YES1: variants seen among roughly 807,000 people sequenced by gnomAD.
YES1 encodes YES proto-oncogene 1, Src family tyrosine kinase, also known as tyrosine-protein kinase Yes.
Under a neutral mutation model 70.4 loss-of-function variants are expected in YES1, and 39 were observed. The ratio of observed to expected loss-of-function variants is 0.55; its 90% confidence interval spans 0.43 to 0.72. The LOEUF (loss-of-function observed/expected upper bound fraction) is 0.72. YES1 is among the 30% of genes least tolerant of loss of function. YES1 has a pLI of 0.00. For synonymous variants in YES1, 198 were observed against 218.6 expected, an observed-to-expected ratio of 0.91 and a Z score of 0.83; for missense variants, 495 against 644.8, an observed-to-expected ratio of 0.77 and a Z score of 2.52.
intron 1 of YES1, among the ~76,000 whole-genome samples, chr18:782,658 T>G (rs991431026): frequency 6.6e-6 from 1 of 152,216 alleles, no homozygotes; most frequent in Non-Finnish European, 1.5e-5. Flanking sequence ...GTGACATCAA[T>G]ATAAAACATG....
chr18:744,689 CTTTTTTTTTTTT>C (rs71174284), intron 6 of YES1, among the ~76,000 whole-genome samples: 3 of 56,862 alleles, frequency 5.3e-5, no homozygotes, highest in Non-Finnish European at 9.8e-5. Flanking sequence ...CACGCCTGGC[CTTTTTTTTTTTT>C]TTTTTTTTTT....
intron 8 of YES1, 128 bp downstream of exon 8, chr18:742,790 G>A: frequency 1.5e-6 from 1 of 653,720 alleles, no homozygotes; most frequent in Non-Finnish European, 2.3e-6. Flanking sequence ...AAAGTGTCAG[G>A]TTTCTTCTAT....
chr18:789,510 G>A (rs1906132705), intron 1 of YES1, among the ~76,000 whole-genome samples: 1 of 152,078 alleles, frequency 6.6e-6, no homozygotes, highest in Admixed American at 6.5e-5. Flanking sequence ...TTGAGCTCAG[G>A]AGGTCAAGGC....
chr18:803,608 G>GT (rs1374882655), intron 1 of YES1, among the ~76,000 whole-genome samples: 1 of 152,196 alleles, frequency 6.6e-6, no homozygotes. Flanking sequence ...ACCTAGGGAA[G>GT]TTTCTGTACT....
rs114064729 is a variant in YES1 at position 754,603 on chromosome 18, C to T, written c.271+1954G>A. 7.4e-3 allele frequency among the ~76,000 whole-genome samples: 1,127 copies of T among 151,454 alleles called. 11 individuals carry two copies. The highest frequency in any genetic ancestry group is 0.026 in the African/African-American group (1,075 of 41,270). Reference sequence around the variant, plus strand: ...TTTGTTTCTTGTTATCTCAGCTACTCGGGAGGCTAAGGCAAGAGAATGGCT... The same window carrying T: ...TTTGTTTCTTGTTATCTCAGCTACTTGGGAGGCTAAGGCAAGAGAATGGCT... On this transcript the variant is annotated intron_variant, in intron 2 of 11. Coordinates refer to ENST00000314574, the MANE Select transcript of YES1 (RefSeq NM_005433.4).
chr18:775,809 A>G (rs896108882), intron 1 of YES1, among the ~76,000 whole-genome samples: 2 of 152,144 alleles, frequency 1.3e-5, no homozygotes, highest in African/African-American at 4.8e-5. Context: ...ATAAATTAAA[A>G]AAAAAAATAG....
intron 1 of YES1, among the ~76,000 whole-genome samples, chr18:801,328 G>A (rs996928545): frequency 2.6e-5 from 4 of 151,952 alleles, no homozygotes; most frequent in African/African-American, 9.7e-5. Context: ...GTGACACCCT[G>A]TCTCAAAAAA....
intron 11 of YES1, among the ~76,000 whole-genome samples, chr18:729,218 G>T (rs2080057284): frequency 6.6e-6 from 1 of 152,006 alleles, no homozygotes; most frequent in Non-Finnish European, 1.5e-5. Context: ...CCCATCTAGT[G>T]AGTACTTAAT....
intron 11 of YES1, 76 bp from the exon 12 acceptor site, chr18:724,708 A>G: frequency 8.8e-7 from 1 of 1,140,268 alleles, no homozygotes. Flanking sequence ...CCCCCTAGCC[A>G]CTAACTCATT....
chr18:807,813 A>G (rs1907174581), intron 1 of YES1, among the ~76,000 whole-genome samples: 2 of 152,196 alleles, frequency 1.3e-5, no homozygotes, highest in Admixed American at 1.3e-4. Context: ...TCCTAGGAGA[A>G]AGTAGAGTCC....
intron 4 of YES1, 80 bp from the exon 5 acceptor site, chr18:746,131 G>A: frequency 9.6e-7 from 1 of 1,046,758 alleles, no homozygotes; most frequent in Non-Finnish European, 1.4e-6. Context: ...AGAATGGACT[G>A]GGATAGGTTT....
chr18:724,357 C>A lies in YES1; in HGVS notation c.*67G>T. ...AAAGAAGATTTTCTTCTTTTGATTC[C>A]TGTAGAAAATCTACACAAGTTCTTT... is the stretch of plus-strand genomic sequence containing the variant. On this transcript the variant is annotated 3_prime_UTR_variant, in exon 12 of 12. Coordinates refer to ENST00000314574, the MANE Select transcript of YES1 (RefSeq NM_005433.4). 7.2e-7 allele frequency: 1 copy of A among 1,385,836 alleles called. No homozygotes were observed. Among genetic ancestry groups the A allele is most frequent in the Non-Finnish European group, 1.0e-6 (1 of 998,144 alleles). 85.8% of individuals were successfully genotyped at this position (1,385,836 alleles called of 1,614,324 possible).
chr18:798,671 T>G (rs1031436913), intron 1 of YES1, among the ~76,000 whole-genome samples: 12 of 152,168 alleles, frequency 7.9e-5, no homozygotes, highest in Non-Finnish European at 5.9e-5. Flanking sequence ...CATATAATAC[T>G]TTTCTACTCT....
chr18:798,138 T>C (rs1403468958), intron 1 of YES1: 2 of 152,188 alleles, frequency 1.3e-5, no homozygotes, highest in African/African-American at 2.4e-5. Context: ...ATAAGTGTAT[T>C]GTCTATTTTC....
intron 1 of YES1, among the ~76,000 whole-genome samples, chr18:783,620 T>C (rs199803701): frequency 0.32 from 47,614 of 148,498 alleles, 7,450 homozygotes; most frequent in African/African-American, 0.39. Flanking sequence ...TTTTTCTCTT[T>C]TTTTTTTTTT....
chr18:753,386 ACTC>A (rs1192364955), intron 2 of YES1, among the ~76,000 whole-genome samples: 4 of 151,980 alleles, frequency 2.6e-5, no homozygotes, highest in Non-Finnish European at 4.4e-5. Context: ...TCTTGAACTT[ACTC>A]CTCCTATCTA....
chr18:743,224 A>G, intron 7 of YES1, 36 bp downstream of exon 7: 1 of 1,599,212 alleles, frequency 6.3e-7, no homozygotes, highest in Non-Finnish European at 8.5e-7. Flanking sequence ...ATCCACAGCT[A>G]AACAATGACA....
At chr18:787,340 CCG>C (rs1335686916) in intron 1 of YES1, among the ~76,000 whole-genome samples, 1 of 150,960 alleles carries the variant, frequency 6.6e-6, no homozygotes, top group Admixed American at 6.6e-5. Flanking sequence ...CTCAGGTGGT[CCG>C]CCCGCCTCGG....
intron 1 of YES1, among the ~76,000 whole-genome samples, chr18:796,875 T>C (rs1383485370): frequency 3.9e-5 from 6 of 152,082 alleles, no homozygotes; most frequent in East Asian, 1.9e-4. Context: ...AGTGTGAAAA[T>C]AGATTTAATA....
Sources: allele counts gnomAD v4.1 joint callset (sites outside exome capture counted in the v4.1 genomes callset), GRCh38; gene constraint gnomAD v4.1.1; transcripts MANE v1.5; gene names NCBI Gene and HGNC (gene_info 2026-07-23, HGNC 2026-07-21).